SEMA4B: variants seen among roughly 807,000 people sequenced by gnomAD.
SEMA4B encodes semaphorin 4B.
In SEMA4B, 55 loss-of-function variants were observed where a neutral mutation model predicts 88.1. The ratio of observed to expected loss-of-function variants is 0.62; its 90% confidence interval spans 0.50 to 0.78. SEMA4B has a LOEUF of 0.78. SEMA4B is among the 30% of genes least tolerant of loss of function. The pLI, the probability that SEMA4B is intolerant of heterozygous loss-of-function variation, is 0.00. For synonymous variants in SEMA4B, 525 were observed against 473.6 expected, an observed-to-expected ratio of 1.11 and a Z score of -1.41; for missense variants, 1,062 against 1,111.9, an observed-to-expected ratio of 0.96 and a Z score of 0.64.
At chr15:90,192,499 C>T (rs1195263171) in intron 1 of SEMA4B, among the ~76,000 whole-genome samples, 1 of 151,968 alleles carries the variant, frequency 6.6e-6, no homozygotes, top group African/African-American at 2.4e-5. Flanking sequence ...TCCCTTTGTA[C>T]TGGGCAGGGT....
chr15:90,194,640 C>T (rs1456013501), intron 1 of SEMA4B, among the ~76,000 whole-genome samples: 3 of 152,034 alleles, frequency 2.0e-5, no homozygotes, highest in Non-Finnish European at 2.9e-5. Context: ...TATTTATTTA[C>T]TTACTTATTT....
upstream of SEMA4B, among the ~76,000 whole-genome samples, chr15:90,200,272 C>G (rs1275038698): frequency 6.6e-6 from 1 of 152,146 alleles, no homozygotes; most frequent in East Asian, 1.9e-4. Context: ...AGCTTTCCTG[C>G]AATTGCAGCA....
At chr15:90,214,644 A>G (rs1961442533) in intron 1 of SEMA4B, among the ~76,000 whole-genome samples, 1 of 151,512 alleles carries the variant, frequency 6.6e-6, no homozygotes, top group Admixed American at 6.6e-5. Flanking sequence ...AAAAAAAAAA[A>G]AAAAAAAAAA....
At chr15:90,221,202 G>T in intron 5 of SEMA4B, 109 bp downstream of exon 5, 6 of 1,104,660 alleles carry the variant, frequency 5.4e-6, no homozygotes, top group Non-Finnish European at 8.1e-6. Context: ...TTTCCAAGGG[G>T]ACAGAATGGC....
chr15:90,213,233 G>A (rs1293597948), intron 1 of SEMA4B, among the ~76,000 whole-genome samples: 5 of 151,850 alleles, frequency 3.3e-5, no homozygotes, highest in East Asian at 1.9e-4. Context: ...GTTAAGTGGC[G>A]TGTCCTGGTG....
intron 3 of SEMA4B, 192 bp downstream of exon 3, chr15:90,218,021 A>C: frequency 1.8e-6 from 1 of 558,830 alleles, no homozygotes; most frequent in South Asian, 2.0e-5. Context: ...CGACAAGTAG[A>C]TTCACCTGTC....
upstream of SEMA4B, among the ~76,000 whole-genome samples, chr15:90,197,807 C>T (rs1960562114): frequency 6.6e-6 from 1 of 151,970 alleles, no homozygotes; most frequent in Non-Finnish European, 1.5e-5. Flanking sequence ...TTACAGATGA[C>T]CCCATACTGG....
intron 1 of SEMA4B, among the ~76,000 whole-genome samples, chr15:90,191,413 A>T (rs866207918): frequency 6.6e-6 from 1 of 152,228 alleles, no homozygotes; most frequent in African/African-American, 2.4e-5. Context: ...GGCAACTTTC[A>T]TGGGGAGGTG....
intron 1 of SEMA4B, among the ~76,000 whole-genome samples, chr15:90,204,934 C>T: frequency 6.6e-6 from 1 of 152,112 alleles, no homozygotes; most frequent in East Asian, 1.9e-4. Flanking sequence ...CGCCACCATG[C>T]TTAGCTAATT....
intron 1 of SEMA4B, among the ~76,000 whole-genome samples, chr15:90,203,678 C>G (rs1320550595): frequency 6.6e-6 from 1 of 152,228 alleles, no homozygotes; most frequent in Non-Finnish European, 1.5e-5. Flanking sequence ...ATTCACCTGT[C>G]AGGGCTGCCG....
intron 1 of SEMA4B, among the ~76,000 whole-genome samples, chr15:90,195,096 A>G (rs1265374362): frequency 6.9e-6 from 1 of 145,368 alleles, no homozygotes; most frequent in Non-Finnish European, 1.5e-5. Flanking sequence ...ACACGTTGCT[A>G]TTGATTTTGT....
intron 1 of SEMA4B, among the ~76,000 whole-genome samples, chr15:90,202,400 TCA>T (rs1443524117): frequency 6.6e-6 from 1 of 151,992 alleles, no homozygotes; most frequent in Admixed American, 6.5e-5. Flanking sequence ...CGACCCCTCC[TCA>T]GAGTGACCTG....
Position 90,201,361 on chromosome 15 carries a change from T to C in SEMA4B, c.-218T>C, listed in dbSNP as rs1019972894. 3 of 1,243,568 alleles carry C rather than the reference T, an allele frequency of 2.4e-6. No individual in the cohort carries two copies. The highest frequency in any genetic ancestry group is 1.6e-5 in the African/African-American group (1 of 63,408). 77.0% of individuals were successfully genotyped at this position (1,243,568 alleles called of 1,614,324 possible). A position where few individuals can be genotyped will look rare whatever the true frequency, so the allele number is the denominator to read the frequency against. ...GGGTGAGCTCTGCCCAAGCCGAGGC[T>C]GCGGGGCCGGCGCCGGCGGGAGGAC... On this transcript the variant is annotated 5_prime_UTR_variant, in exon 1 of 14. Transcript: ENST00000411539.
intron 4 of SEMA4B, among the ~76,000 whole-genome samples, chr15:90,220,713 T>C (rs935457943): frequency 3.5e-5 from 5 of 143,374 alleles, no homozygotes; most frequent in Non-Finnish European, 7.7e-5. Flanking sequence ...GCCAGGTGGG[T>C]CTGATAATGT....
chr15:90,200,455 A>G (rs911631969), upstream of SEMA4B, among the ~76,000 whole-genome samples: 6 of 152,142 alleles, frequency 3.9e-5, no homozygotes, highest in African/African-American at 1.4e-4. Context: ...TATTGCTTAG[A>G]TAGTTTCTAT....
intron 4 of SEMA4B, chr15:90,220,121 C>T: frequency 2.0e-6 from 1 of 503,874 alleles, no homozygotes; most frequent in Non-Finnish European, 3.5e-6. Context: ...GTCACTTACC[C>T]ATGAAGATCC....
intron 1 of SEMA4B, among the ~76,000 whole-genome samples, chr15:90,186,939 T>A (rs6496640): frequency 0.45 from 67,786 of 151,682 alleles, 16,916 homozygotes; most frequent in East Asian, 0.7. Context: ...TCTCAAAAAA[T>A]AATAATAATA....
rs1173317088 is a variant in SEMA4B, at chr15:90,207,358, C to G, written c.157+5623C>G. 2.0e-5 allele frequency among the ~76,000 whole-genome samples: 3 copies of G among 152,138 alleles called. No individual in the cohort carries two copies. In the East Asian group the frequency reaches 5.8e-4, roughly 29 times the overall value. On this transcript the variant is annotated intron_variant, in intron 1 of 13. Transcript: ENST00000411539. ...CAGAAGCCATCATTTTACCATACTCCTAAAGAGGAGCCAAATTAGCCAACT... is the reference window on the plus strand; with the variant it reads ...CAGAAGCCATCATTTTACCATACTCGTAAAGAGGAGCCAAATTAGCCAACT...
chr15:90,227,798 G>C, intron 13 of SEMA4B, 106 bp from the exon 14 acceptor site: 1 of 1,541,280 alleles, frequency 6.5e-7, no homozygotes, highest in East Asian at 2.3e-5. Flanking sequence ...GGGGTCCCCG[G>C]AGTTGCCCAT....
Sources: gnomAD v4.1 joint callset for allele counts (sites outside exome capture counted in the v4.1 genomes callset) on GRCh38, gnomAD v4.1.1 for gene constraint, MANE v1.5 for transcripts, NCBI Gene and HGNC (gene_info 2026-07-23, HGNC 2026-07-21) for gene names.